The following MATR3 variants were observed in gnomAD, a reference collection of about 807,000 sequenced individuals.
MATR3 encodes the protein matrin 3, also known as matrin-3.
MATR3 carries 4 observed loss-of-function variants against 85.5 expected under a neutral mutation model. The observed-to-expected ratio is 0.05, with a 90% confidence interval of 0.02 to 0.11. The LOEUF (loss-of-function observed/expected upper bound fraction) is 0.11. Among genes scored for constraint, MATR3 ranks in the 10% least tolerant of loss-of-function variants. The pLI, the probability that MATR3 is intolerant of heterozygous loss-of-function variation, is 1.00. For synonymous variants in MATR3, 336 were observed against 343.1 expected, an observed-to-expected ratio of 0.98 and a Z score of 0.23; for missense variants, 685 against 1,016.1, an observed-to-expected ratio of 0.67 and a Z score of 4.43.
At chr5:139,288,032 G>T (rs1036241381) in intron 3 of MATR3, among the ~76,000 whole-genome samples, 6 of 152,068 alleles carry the variant, frequency 3.9e-5, no homozygotes, top group African/African-American at 1.4e-4. Context: ...GCAACATAAT[G>T]AAACCCCGTC....
Position 139,330,437 on chromosome 5 carries a change from A to T in MATR3, c.*1042A>T. The T allele has an allele frequency of 2.2e-6, 1 of 454,512 alleles. No individual in the cohort carries two copies. Among genetic ancestry groups the T allele is most frequent in the Non-Finnish European group, 4.4e-6 (1 of 226,788 alleles). The allele number at this position is 454,512 out of a possible 1,614,324, so 28.2% of individuals were successfully genotyped here. On this transcript the variant is annotated 3_prime_UTR_variant, in exon 15 of 15. Coordinates refer to ENST00000394805, the MANE Select transcript of MATR3 (RefSeq NM_018834.6). Reference sequence around the variant, plus strand: ...TTGGTTATACATGTTTGGAATGTTAACCAACGTATTTGTCAGTTGTGGTTT... The same window carrying T: ...TTGGTTATACATGTTTGGAATGTTATCCAACGTATTTGTCAGTTGTGGTTT...
intron 1 of MATR3, among the ~76,000 whole-genome samples, chr5:139,303,029 A>C (rs919927645): frequency 1.3e-5 from 2 of 151,924 alleles, no homozygotes; most frequent in Non-Finnish European, 2.9e-5. Flanking sequence ...TTTTATGGGT[A>C]AACCATCTCA....
At chr5:139,290,090 C>T (rs1753822642), upstream of MATR3, among the ~76,000 whole-genome samples, 1 of 152,184 alleles carries the variant, frequency 6.6e-6, no homozygotes, top group South Asian at 2.1e-4. Flanking sequence ...TCCCCCTACC[C>T]CTGTCCACTA....
At chr5:139,315,024 A>G (rs1432154076) in intron 3 of MATR3, 8 of 376,896 alleles carry the variant, frequency 2.1e-5, no homozygotes, top group Non-Finnish European at 3.5e-5. Flanking sequence ...AGTATTTGAT[A>G]TGTAGAGTGG....
In MATR3 at chr5:139,307,011, A is replaced by G. The variant is rs1436218878; in HGVS notation, c.-177-228A>G. Among the ~76,000 whole-genome samples, 1 of 152,194 alleles carries G rather than the reference A, an allele frequency of 6.6e-6. No individual in the cohort carries two copies. Among genetic ancestry groups the G allele is most frequent in the African/African-American group, 2.4e-5 (1 of 41,454 alleles). ...TTTACATGTTTTTAAACTCAGTATG[A>G]AAGTCCCTTTAATAGTTAAGCTTTA... On this transcript the variant is annotated intron_variant, in intron 1 of 14. Transcript: ENST00000394805. The surrounding 1 kb of genome is among the most constrained non-coding windows in gnomAD (Gnocchi z 4.4).
chr5:139,315,631 C>G, intron 3 of MATR3, 66 bp from the exon 4 acceptor site: 1 of 1,021,386 alleles, frequency 9.8e-7, no homozygotes, highest in Non-Finnish European at 1.6e-6. Flanking sequence ...ATTTTAGAGG[C>G]CAAACAAGGC....
intron 5 of MATR3, among the ~76,000 whole-genome samples, chr5:139,316,468 A>G (rs1755249809): frequency 6.6e-6 from 1 of 151,248 alleles, no homozygotes; most frequent in Admixed American, 6.6e-5. Context: ...CTAGTCTCGA[A>G]CTCTTGGCCT....
At chr5:139,326,393 G>GC in intron 14 of MATR3, 109 bp downstream of exon 14, 1 of 975,860 alleles carries the variant, frequency 1.0e-6, no homozygotes, top group Non-Finnish European at 1.6e-6. Context: ...TCAGTGCAGT[G>GC]CTTTCTCCTG....
Position 139,330,586 on chromosome 5 carries a change from C to A in MATR3, c.*1191C>A, listed in dbSNP as rs1164401969. The stretch of plus-strand genomic sequence containing the variant: ...TGTTGTTGCTGGTGGATTTCTTGTT[C>A]CTGTTACATAACTAAAAGTGAGGCC... On this transcript the variant is annotated 3_prime_UTR_variant, in exon 15 of 15. Coordinates refer to ENST00000394805, the MANE Select transcript of MATR3 (RefSeq NM_018834.6). 8.8e-6 allele frequency: 4 copies of A among 453,896 alleles called. No homozygotes were observed. Among genetic ancestry groups the A allele is most frequent in the Non-Finnish European group, 1.8e-5 (4 of 226,760 alleles). The allele number at this position is 453,896 out of a possible 1,614,324, so 28.1% of individuals were successfully genotyped here.
chr5:139,320,223 G>T (rs367891850), intron 9 of MATR3, among the ~76,000 whole-genome samples: 33 of 151,848 alleles, frequency 2.2e-4, no homozygotes, highest in African/African-American at 7.0e-4. Context: ...GCAGGAGAAT[G>T]GCATGAACCC....
chr5:139,317,116 A>G lies in MATR3; in HGVS notation c.1182+11A>G, dbSNP rs774114454. On this transcript the variant is annotated intron_variant, in intron 6 of 14. Transcript: ENST00000394805. Reference sequence around the variant, plus strand: ...CAGAAAGGCAGAGTGGTCAGTAATGAAGCTTTTGGTTTTACTGTATTTATG... The same window carrying G: ...CAGAAAGGCAGAGTGGTCAGTAATGGAGCTTTTGGTTTTACTGTATTTATG... 5 of 1,591,220 alleles carry G rather than the reference A, an allele frequency of 3.1e-6. No homozygotes were observed. The highest frequency in any genetic ancestry group is 4.3e-6 in the Non-Finnish European group (5 of 1,160,936).
intron 1 of MATR3, among the ~76,000 whole-genome samples, chr5:139,298,048 CATTT>C (rs1441955301): frequency 6.6e-6 from 1 of 152,066 alleles, no homozygotes; most frequent in African/African-American, 2.4e-5. Flanking sequence ...GGAAAGTAGT[CATTT>C]AATTAATATT....
At position 139,322,656 on chromosome 5, in the gene MATR3, G is replaced by A; in HGVS notation, c.1837G>A (p.Asp613Asn). The A allele has an allele frequency of 6.2e-7, 1 of 1,614,134 alleles. No homozygotes were observed. The highest frequency in any genetic ancestry group is 8.5e-7 in the Non-Finnish European group (1 of 1,180,008). ...ESPSDKKSKTDGSQKTESSTE... is the reference protein window; with the variant it reads ...ESPSDKKSKTNGSQKTESSTE... ...TCCAAGTGATAAGAAATCCAAAACT[G>A]ATGGTTCCCAGAAGACTGAGAGTTC... Residue 613 changes from aspartate (D) to asparagine (N), a missense_variant, in exon 12 of 15, where the codon GAT (aspartate) becomes AAT (asparagine). Physicochemically the swap from Asp to Asn is conservative, Grantham distance 23. Transcript: ENST00000394805.
chr5:139,327,163 A>G (rs1755894355), intron 14 of MATR3, among the ~76,000 whole-genome samples: 1 of 152,222 alleles, frequency 6.6e-6, no homozygotes, highest in Non-Finnish European at 1.5e-5. Flanking sequence ...AGTCAATTAT[A>G]GATACCTTGG....
intron 3 of MATR3, among the ~76,000 whole-genome samples, chr5:139,284,663 T>G (rs918489946): frequency 1.3e-5 from 2 of 152,104 alleles, no homozygotes; most frequent in African/African-American, 4.8e-5. Context: ...ATTTCAGACA[T>G]CTGTTAACTA....
In MATR3 at chr5:139,330,171, GT is replaced by G; in HGVS notation, c.*777del. The G allele has an allele frequency of 2.2e-6, 1 of 454,416 alleles. No individual in the cohort carries two copies. Among genetic ancestry groups the G allele is most frequent in the Non-Finnish European group, 4.4e-6 (1 of 226,760 alleles). The allele number at this position is 454,416 out of a possible 1,614,324, so 28.1% of individuals were successfully genotyped here. Reference sequence around the variant, plus strand: ...AAGCAACATTTGATTTTTGAAGTGTGTAGACCATCTCTTCATATTTTCAAGA... The same window carrying G: ...AAGCAACATTTGATTTTTGAAGTGTGAGACCATCTCTTCATATTTTCAAGA... On this transcript the variant is annotated 3_prime_UTR_variant, in exon 15 of 15. Coordinates refer to ENST00000394805, the MANE Select transcript of MATR3 (RefSeq NM_018834.6).
At chr5:139,322,527 A>G (rs1221755963) in intron 11 of MATR3, 21 bp downstream of exon 11, 6 of 1,582,710 alleles carry the variant, frequency 3.8e-6, no homozygotes, top group Admixed American at 3.4e-5. Context: ...TTTGTTTTTC[A>G]TATGTGTGAG....
In MATR3 at chr5:139,317,045, C is replaced by G. The variant is rs1163152014; in HGVS notation, c.1130-8C>G. On this transcript the variant is annotated splice_region_variant and splice_polypyrimidine_tract_variant and intron_variant, in intron 5 of 14. Coordinates refer to ENST00000394805, the MANE Select transcript of MATR3 (RefSeq NM_018834.6). The stretch of plus-strand genomic sequence containing the variant: ...TTACAAGACTGAAAACTTTCTCTTC[C>G]CATAAAGGTGCTGGAAATGGAAACC... The G allele has an allele frequency of 6.3e-7, 1 of 1,599,064 alleles. No individual in the cohort carries two copies.
chr5:139,327,508 G>A (rs771888071), intron 14 of MATR3, among the ~76,000 whole-genome samples: 24 of 151,978 alleles, frequency 1.6e-4, no homozygotes, highest in Non-Finnish European at 2.9e-4. Flanking sequence ...CCCAACCCCC[G>A]CCTCCCAGGT....
Sources: allele counts gnomAD v4.1 joint callset (sites outside exome capture counted in the v4.1 genomes callset), GRCh38; gene constraint gnomAD v4.1.1; non-coding constraint Gnocchi (gnomAD v3.1); transcripts MANE v1.5; gene names NCBI Gene and HGNC (gene_info 2026-07-23, HGNC 2026-07-21).